Variants in ANKRD18A observed in about 807,000 individuals in gnomAD.
The protein encoded by ANKRD18A is ankyrin repeat domain 18A.
Under a neutral mutation model 110.6 loss-of-function variants are expected in ANKRD18A, and 72 were observed. The ratio of observed to expected loss-of-function variants is 0.65; its 90% CI spans 0.54 to 0.79. ANKRD18A has a LOEUF of 0.79. Ranked by LOEUF, ANKRD18A falls within the 30% of genes least tolerant of loss-of-function variation. The probability of loss-of-function intolerance (pLI) is 0.00; values close to 1 mark genes in which losing one functional copy is unlikely to be tolerated. For synonymous variants in ANKRD18A, 305 were observed against 410.3 expected (o/e 0.74, Z 3.10); for missense variants, 934 against 1,163.3 (o/e 0.80, Z 2.87).
At chr9:38,613,479 A>C (rs1180040609) in intron 3 of ANKRD18A, among the ~76,000 whole-genome samples, 11 of 152,128 alleles carry the variant, frequency 7.2e-5, no homozygotes, top group Non-Finnish European at 1.6e-4. Flanking sequence ...TTTAATAAAA[A>C]AACTCAGGCC....
intron 3 of ANKRD18A, among the ~76,000 whole-genome samples, chr9:38,614,219 G>GTTTTTTTTTTT (rs58955752): frequency 2.2e-3 from 154 of 68,774 alleles, no homozygotes; most frequent in Middle Eastern, 0.013. Context: ...GAACACTGAG[G>GTTTTTTTTTTT]TTTTTTTTTT....
intron 15 of ANKRD18A, among the ~76,000 whole-genome samples, chr9:38,573,388 C>CA (rs2080589609): frequency 1.3e-5 from 2 of 152,202 alleles, no homozygotes; most frequent in South Asian, 4.1e-4. Context: ...ATTGGATATA[C>CA]ATAATTTTAG....
At chr9:38,587,498 A>C (rs988095440) in intron 11 of ANKRD18A, among the ~76,000 whole-genome samples, 1 of 152,182 alleles carries the variant, frequency 6.6e-6, no homozygotes, top group African/African-American at 2.4e-5. Context: ...TAAGATGTAT[A>C]CTTCATGTAT....
intron 1 of ANKRD18A, among the ~76,000 whole-genome samples, chr9:38,619,498 T>G (rs890655461): frequency 6.6e-6 from 1 of 152,186 alleles, no homozygotes; most frequent in Non-Finnish European, 1.5e-5. Flanking sequence ...GAGCAAGTCT[T>G]TTCACTCCAT....
At chr9:38,614,463 T>A (rs1022183550) in intron 3 of ANKRD18A, among the ~76,000 whole-genome samples, 1 of 152,128 alleles carries the variant, frequency 6.6e-6, no homozygotes, top group African/African-American at 2.4e-5. Context: ...AAAATATTTT[T>A]AACCATACAT....
chr9:38,576,859 A>G (rs1823915758), intron 14 of ANKRD18A, among the ~76,000 whole-genome samples, 194 bp downstream of exon 14: 1 of 152,186 alleles, frequency 6.6e-6, no homozygotes, highest in South Asian at 2.1e-4. Context: ...ACAAAAAAAG[A>G]GAAGAGAGAC....
chr9:38,571,674 T>C lies in ANKRD18A; in HGVS notation c.*371A>G. On this transcript the variant is annotated 3_prime_UTR_variant, in exon 16 of 16. Coordinates refer to ENST00000399703, the MANE Select transcript of ANKRD18A (RefSeq NM_147195.4). Reference sequence around the variant, plus strand: ...CAAAGAAGCCCTCGATGACCTTTACTAAAGTATCAATGATGACTTGGTTGT... The same window carrying C: ...CAAAGAAGCCCTCGATGACCTTTACCAAAGTATCAATGATGACTTGGTTGT... The C allele has an allele frequency of 9.7e-7, 1 of 1,027,510 alleles. No individual in the cohort carries two copies. Among genetic ancestry groups the C allele is most frequent in the African/African-American group, 1.7e-5 (1 of 58,262 alleles). The allele number at this position is 1,027,510 out of a possible 1,614,324, so 63.6% of individuals were successfully genotyped here. A position where few individuals can be genotyped will look rare whatever the true frequency, so the allele number is the denominator to read the frequency against.
At chr9:38,607,626 TA>T in intron 5 of ANKRD18A, 133 bp from the exon 6 acceptor site, 2 of 592,946 alleles carry the variant, frequency 3.4e-6, no homozygotes, top group Non-Finnish European at 5.2e-6. Context: ...CGATACACTT[TA>T]AAATTTTAAG....
In ANKRD18A at chr9:38,595,733, A is replaced by G. The variant is rs903478577; in HGVS notation, c.1607T>C (p.Ile536Thr). The G allele has an allele frequency of 1.7e-5, 27 of 1,551,298 alleles. No individual in the cohort carries two copies. Among genetic ancestry groups the G allele is most frequent in the Admixed American group, 3.9e-5 (2 of 50,938 alleles). ...PNGEAKESQS[I>T]GKQNSLEERI... The stretch of plus-strand genomic sequence containing the variant: ...CTCCTCTAAAGAGTTCTGCTTTCCA[A>G]TGGATTGACTTTCTTTAGCTTCTCC... Residue 536 changes from isoleucine to threonine, a missense_variant, in exon 9 of 16, where the codon ATT becomes ACT. Ile to Thr is a moderately conservative substitution (Grantham distance 89). Transcript: ENST00000399703.
intron 13 of ANKRD18A, 115 bp downstream of exon 13, chr9:38,577,752 G>T (rs1389481686): frequency 1.7e-5 from 21 of 1,206,928 alleles, no homozygotes; most frequent in Non-Finnish European, 1.1e-6. Context: ...CTCTACGAAG[G>T]AAATTGCTGT....
chr9:38,601,080 AAAACAAAC>A, intron 8 of ANKRD18A, 43 bp downstream of exon 8: 1 of 1,505,510 alleles, frequency 6.6e-7, no homozygotes, highest in Non-Finnish European at 9.0e-7. Context: ...TTATTAAAGA[AAAACAAAC>A]AAACAAACCA....
At chr9:38,600,864 A>C (rs1020719345) in intron 8 of ANKRD18A, among the ~76,000 whole-genome samples, 3 of 152,346 alleles carry the variant, frequency 2.0e-5, no homozygotes, top group African/African-American at 7.2e-5. Flanking sequence ...ATCAGGAAGA[A>C]GATTATAAAA....
At chr9:38,566,768 T>C (rs1016732134), downstream of ANKRD18A, 1 of 152,214 alleles carries the variant, frequency 6.6e-6, no homozygotes, top group Non-Finnish European at 1.5e-5. Context: ...AAAGAGTCAG[T>C]TGTCTCACAC....
chr9:38,569,241 G>A (rs1563949512), downstream of ANKRD18A: 2 of 978,616 alleles, frequency 2.0e-6, no homozygotes, highest in African/African-American at 1.8e-5. Context: ...GATGCAGAAT[G>A]GAATTGCTGC....
chr9:38,568,115 G>C (rs1262465193), downstream of ANKRD18A: 1 of 152,602 alleles, frequency 6.6e-6, no homozygotes, highest in African/African-American at 2.4e-5. Flanking sequence ...CCTGCACCCA[G>C]AAGCTGGCCA....
chr9:38,583,690 C>T (rs1274489595), intron 12 of ANKRD18A, among the ~76,000 whole-genome samples: 1 of 152,138 alleles, frequency 6.6e-6, no homozygotes, highest in South Asian at 2.1e-4. Context: ...ACCTGGCCTA[C>T]AGCAGCATTA....
rs898014322 is a variant in ANKRD18A, at chr9:38,620,084, C to T, written c.202G>A (p.Asp68Asn). Residue 68 changes from aspartate (D) to asparagine (N), a missense_variant, in exon 1 of 16, where the codon GAC becomes AAC. By Grantham distance (23) the Asp-to-Asn change is conservative. Transcript: ENST00000399703. ...CGGGCTGAGTCCCCGAGCTACCTGT[C>T]TTTTCTGTCGCGGGCGTCCAAGTCC... Reference protein sequence around the residue: ...FRDLDARDRKDRTVLHLACAH... With the variant: ...FRDLDARDRKNRTVLHLACAH... The T allele has an allele frequency of 8.4e-6, 13 of 1,551,748 alleles. No individual in the cohort carries two copies. The highest frequency in any genetic ancestry group is 1.1e-5 in the Non-Finnish European group (13 of 1,147,542).
Position 38,593,403 on chromosome 9 carries a change from A to C in ANKRD18A, c.2004+357T>G, listed in dbSNP as rs1222965095. Among the ~76,000 whole-genome samples the C allele has an allele frequency of 2.0e-5, 3 of 152,224 alleles. 1 individual carries two copies. In the East Asian group the frequency reaches 5.8e-4, roughly 29 times the overall value. The stretch of plus-strand genomic sequence containing the variant: ...GTGAAGAAATAAGACAACTTGCTGG[A>C]ATATTCCATTAAACATTCTCTTCTG... On this transcript the variant is annotated intron_variant, in intron 10 of 15. Coordinates refer to ENST00000399703, the MANE Select transcript of ANKRD18A (RefSeq NM_147195.4).
At chr9:38,614,221 T>G (rs1291925393) in intron 3 of ANKRD18A, among the ~76,000 whole-genome samples, 1 of 33,890 alleles carries the variant, frequency 3.0e-5, no homozygotes, top group Non-Finnish European at 5.4e-5. Context: ...ACACTGAGGT[T>G]TTTTTTTTTT....
Sources: allele counts gnomAD v4.1 joint callset (sites outside exome capture counted in the v4.1 genomes callset), GRCh38; gene constraint gnomAD v4.1.1; transcripts MANE v1.5; gene names NCBI Gene and HGNC (gene_info 2026-07-23, HGNC 2026-07-21).